Variants in ACSL5 observed in about 807,000 individuals in gnomAD.
The protein encoded by ACSL5 is long-chain-fatty-acid--CoA ligase 5.
ACSL5 carries 50 observed loss-of-function variants against 84.9 expected under a neutral mutation model. The observed-to-expected ratio is 0.59, with a 90% CI of 0.47 to 0.75. The LOEUF (loss-of-function observed/expected upper bound fraction) is 0.75, where lower values mean the gene tolerates loss of function less well. ACSL5 is among the 30% of genes least tolerant of loss of function. The probability of loss-of-function intolerance (pLI) is 0.00; values close to 1 mark genes in which losing one functional copy is unlikely to be tolerated. For synonymous variants in ACSL5, 280 were observed against 300.7 expected (o/e 0.93, Z 0.71); for missense variants, 775 against 830.4 (o/e 0.93, Z 0.82).
At position 112,427,533 on chromosome 10, in the gene ACSL5, A is replaced by G. The variant is rs1362730462; in HGVS notation, c.*175A>G. ...TATAATGTGTAAACTTAGTTCCCAAATAAATCAATCCTGTCTTTCCCATCT... is the reference window on the plus strand; with the variant it reads ...TATAATGTGTAAACTTAGTTCCCAAGTAAATCAATCCTGTCTTTCCCATCT... On this transcript the variant is annotated 3_prime_UTR_variant, in exon 21 of 21. Transcript: ENST00000354655. 9 of 506,176 alleles carry G rather than the reference A, an allele frequency of 1.8e-5. No individual in the cohort carries two copies. The South Asian group carries it at 3.2e-4, about 18-fold the overall frequency. The allele number at this position is 506,176 out of a possible 1,614,324, so 31.4% of individuals were successfully genotyped here.
rs1564734097 is a variant in ACSL5 at position 112,395,027 on chromosome 10, C to T, written c.81C>T (p.Ile27=). ...GCATCCTGACATTTGGAGCTGCCAT[C>T]TTCTTGTGGCTGATCACCAGACCTC... ...LICILTFGAA[I]FLWLITRPQP... The change falls in exon 2 of 21, where the codon ATC becomes ATT. Residue 27 remains isoleucine (I), a synonymous_variant. Transcript: ENST00000354655. The T allele has an allele frequency of 1.9e-6, 3 of 1,614,050 alleles. No homozygotes were observed. Among genetic ancestry groups the T allele is most frequent in the Non-Finnish European group, 2.5e-6 (3 of 1,180,012 alleles).
chr10:112,385,789 T>C (rs1464246711), intron 1 of ACSL5, among the ~76,000 whole-genome samples: 2 of 152,310 alleles, frequency 1.3e-5, no homozygotes, highest in East Asian at 1.9e-4. Context: ...TGCGGGAAAA[T>C]TTTTATTTTT....
chr10:112,404,297 A>G (rs1335981938), intron 3 of ACSL5, among the ~76,000 whole-genome samples: 2 of 152,212 alleles, frequency 1.3e-5, no homozygotes, highest in Non-Finnish European at 2.9e-5. Context: ...TGTTTTGTGT[A>G]GCATTTCCTA....
intron 1 of ACSL5, 29 bp from the exon 2 acceptor site, chr10:112,394,889 A>C (rs374465055): frequency 2.5e-6 from 4 of 1,606,704 alleles, no homozygotes; most frequent in African/African-American, 2.7e-5. Context: ...ATTTCCTCTA[A>C]ATTTTCTTTC....
chr10:112,394,682 G>A (rs1843707235), intron 1 of ACSL5: 5 of 936,250 alleles, frequency 5.3e-6, no homozygotes, highest in South Asian at 9.9e-5. Flanking sequence ...CCTGCTCTGT[G>A]TGAGGACAGT....
Position 112,409,688 on chromosome 10 carries a change from A to G in ACSL5, c.711+3A>G. On this transcript the variant is annotated splice_donor_region_variant and intron_variant, in intron 7 of 20. Transcript: ENST00000354655. ...TCTTATCCCTATATGATGCTGAGGT[A>G]TGGATCTGAAATTTAGCTTGCAGCT... The G allele has an allele frequency of 1.2e-6, 2 of 1,613,168 alleles. No individual in the cohort carries two copies. The highest frequency in any genetic ancestry group is 1.7e-6 in the Non-Finnish European group (2 of 1,179,254).
At chr10:112,396,745 T>G (rs984625373) in intron 2 of ACSL5, among the ~76,000 whole-genome samples, 3 of 152,102 alleles carry the variant, frequency 2.0e-5, no homozygotes, top group Non-Finnish European at 4.4e-5. Flanking sequence ...AATGTATCTC[T>G]TCTTACCCAG....
Position 112,411,909 on chromosome 10 carries a change from A to G in ACSL5, c.878A>G (p.Tyr293Cys). Residue 293 changes from tyrosine (Y) to cysteine (C), a missense_variant, in exon 11 of 21, where the codon TAT (tyrosine) becomes TGT (cysteine). Transcript: ENST00000354655. ...CTTCCCTGGCCTACATAGCATGCTT[A>G]TGAGCCCACTCCTGATGATGTGGCC... ...AAFLKCVEHA[Y>C]EPTPDDVAIS... is the part of the protein sequence containing the mutation. The G allele has an allele frequency of 6.2e-7, 1 of 1,613,718 alleles. No individual in the cohort carries two copies.
intron 5 of ACSL5, among the ~76,000 whole-genome samples, chr10:112,407,750 A>G (rs1369469944): frequency 6.6e-6 from 1 of 152,004 alleles, no homozygotes; most frequent in Non-Finnish European, 1.5e-5. Context: ...ACCAAATCCT[A>G]CTAGTCCTCT....
chr10:112,410,323 T>C (rs762912372), intron 7 of ACSL5, 140 bp from the exon 8 acceptor site: 42 of 1,551,350 alleles, frequency 2.7e-5, no homozygotes, highest in Non-Finnish European at 3.4e-5. Context: ...GAATGTTGGC[T>C]TCTGGTCCTG....
In ACSL5 at chr10:112,422,404, G is replaced by A. The variant is rs1186446808; in HGVS notation, c.1556G>A (p.Gly519Asp). The A allele has an allele frequency of 1.2e-6, 2 of 1,614,046 alleles. No individual in the cohort carries two copies. The highest frequency in any genetic ancestry group is 2.2e-5 in the East Asian group (1 of 44,894). Residue 519 changes from glycine to aspartate, a missense_variant, in exon 17 of 21, where the codon GGC becomes GAC. Gly to Asp is a moderately conservative substitution (Grantham distance 94). Transcript: ENST00000354655. Reference sequence around the variant, plus strand: ...ACACAGGAAGCCCTGGACAGTGATGGCTGGCTTCACACAGGAGACATTGGT... The same window carrying A: ...ACACAGGAAGCCCTGGACAGTGATGACTGGCTTCACACAGGAGACATTGGT... Reference protein sequence around the residue: ...EKTQEALDSDGWLHTGDIGRW... With the variant: ...EKTQEALDSDDWLHTGDIGRW...
intron 1 of ACSL5, among the ~76,000 whole-genome samples, chr10:112,381,891 C>T (rs553815600): frequency 1.4e-4 from 21 of 151,966 alleles, no homozygotes; most frequent in East Asian, 9.9e-4. Context: ...CGCTTGACTC[C>T]GTCTCAAAAA....
intron 9 of ACSL5, 75 bp downstream of exon 9, chr10:112,410,710 G>T: frequency 1.3e-6 from 2 of 1,484,384 alleles, no homozygotes; most frequent in Non-Finnish European, 1.8e-6. Context: ...CCACTGGTAG[G>T]CTGGTAAATA....
At position 112,416,945 on chromosome 10, in the gene ACSL5, A is replaced by C. The variant is rs1376288999; in HGVS notation, c.1141A>C (p.Ser381Arg). The C allele has an allele frequency of 6.2e-7, 1 of 1,614,154 alleles. No homozygotes were observed. The highest frequency in any genetic ancestry group is 2.2e-5 in the East Asian group (1 of 44,880). Residue 381 changes from serine to arginine, a missense_variant, in exon 13 of 21, where the codon AGT (serine) becomes CGT (arginine). By Grantham distance (110) the Ser-to-Arg change is moderately radical. Transcript: ENST00000354655. Reference protein sequence around the residue: ...KKFLLKLAVSSKFKELQKGII... With the variant: ...KKFLLKLAVSRKFKELQKGII... Reference sequence around the variant, plus strand: ...GTTCTTGTTGAAGCTGGCTGTTTCCAGTAAATTCAAAGAGCTTCAAAAGGG... The same window carrying C: ...GTTCTTGTTGAAGCTGGCTGTTTCCCGTAAATTCAAAGAGCTTCAAAAGGG...
chr10:112,378,951 T>C (rs1383494002), intron 1 of ACSL5, among the ~76,000 whole-genome samples: 1 of 152,178 alleles, frequency 6.6e-6, no homozygotes, highest in African/African-American at 2.4e-5. Context: ...TTAGCCTTCT[T>C]TGGGGAAGCT....
intron 12 of ACSL5, among the ~76,000 whole-genome samples, chr10:112,413,513 G>A (rs1462780041): frequency 6.6e-6 from 1 of 152,164 alleles, no homozygotes; most frequent in East Asian, 1.9e-4. Context: ...ATTGCCTGAG[G>A]TCAGGAGTTC....
intron 14 of ACSL5, among the ~76,000 whole-genome samples, chr10:112,418,579 C>T (rs1408009309): frequency 6.6e-6 from 1 of 151,676 alleles, no homozygotes; most frequent in African/African-American, 2.4e-5. Flanking sequence ...AAGACTCCAT[C>T]TCAAAAAAAT....
intron 5 of ACSL5, among the ~76,000 whole-genome samples, chr10:112,405,141 T>C (rs1019409649): frequency 6.6e-6 from 1 of 152,166 alleles, no homozygotes; most frequent in Non-Finnish European, 1.5e-5. Context: ...AAGTATGTAT[T>C]AGTATTAGAA....
Position 112,413,261 on chromosome 10 carries a change from C to A in ACSL5, c.1037C>A (p.Thr346Lys). 1 of 1,614,190 alleles carries A rather than the reference C, an allele frequency of 6.2e-7. No homozygotes were observed. The highest frequency in any genetic ancestry group is 8.5e-7 in the Non-Finnish European group (1 of 1,180,018). Residue 346 changes from threonine (T) to lysine (K), a missense_variant, in exon 12 of 21, where the codon ACA becomes AAA. By Grantham distance (78) the Thr-to-Lys change is moderately conservative (BLOSUM62 -1). Coordinates refer to ENST00000354655, the MANE Select transcript of ACSL5 (RefSeq NM_203379.2). Reference sequence around the variant, plus strand: ...GACGACATGAAGACTTTGAAGCCCACATTGTTTCCCGCGGTGCCTCGACTC... The same window carrying A: ...GACGACATGAAGACTTTGAAGCCCAAATTGTTTCCCGCGGTGCCTCGACTC... Reference protein sequence around the residue: ...LADDMKTLKPTLFPAVPRLLN... With the variant: ...LADDMKTLKPKLFPAVPRLLN...
Sources: allele counts gnomAD v4.1 joint callset (sites outside exome capture counted in the v4.1 genomes callset), GRCh38; gene constraint gnomAD v4.1.1; transcripts MANE v1.5; gene names NCBI Gene and HGNC (gene_info 2026-07-23, HGNC 2026-07-21).